The following KMT5C variants were observed in gnomAD, a reference collection of about 807,000 sequenced individuals.
The protein encoded by KMT5C is lysine methyltransferase 5C.
In KMT5C, 16 loss-of-function variants were observed where a neutral mutation model predicts 38.2. The ratio of observed to expected loss-of-function variants is 0.42; its 90% CI spans 0.28 to 0.64. The LOEUF is 0.64. KMT5C is among the 30% of genes least tolerant of loss of function. The pLI, the probability that KMT5C is intolerant of heterozygous loss-of-function variation, is 0.23. For missense variants in KMT5C, 598 were observed against 665.1 expected (o/e 0.90, Z 1.11); for synonymous variants, 291 against 279.0 (o/e 1.04, Z -0.43).
Position 55,346,305 on chromosome 19 carries a change from C to T in KMT5C, c.663C>T (p.Phe221=), listed in dbSNP as rs1198702511. The T allele has an allele frequency of 6.2e-7, 1 of 1,614,078 alleles. No homozygotes were observed. The highest frequency in any genetic ancestry group is 1.1e-5 in the South Asian group (1 of 91,090). ...DEVTCFYGEG[F]FGEKNEHCEC... ...TGACATGCTTCTACGGCGAGGGCTT[C>T]TTCGGCGAGAAGAATGAGCACTGTG... Residue 221 remains phenylalanine, a synonymous_variant, in exon 7 of 9, where the codon TTC becomes TTT. Coordinates refer to ENST00000255613, the MANE Select transcript of KMT5C (RefSeq NM_032701.4).
Position 55,344,500 on chromosome 19 carries a change from G to A in KMT5C, c.570+503G>A, listed in dbSNP as rs547120055. 13 of 361,136 alleles carry A rather than the reference G, an allele frequency of 3.6e-5. No homozygotes were observed. The East Asian group carries it at 4.4e-4, about 12-fold the overall frequency. 22.4% of individuals were successfully genotyped at this position (361,136 alleles called of 1,614,324 possible). Reference sequence around the variant, plus strand: ...GGTTCCAGTTTGGCCAGCGTTGCCCGGCTGTTTGTGCAGTTGCACTGGAAC... The same window carrying A: ...GGTTCCAGTTTGGCCAGCGTTGCCCAGCTGTTTGTGCAGTTGCACTGGAAC... On this transcript the variant is annotated intron_variant, in intron 6 of 8. Transcript: ENST00000255613.
At chr19:55,345,236 G>A in intron 6 of KMT5C, 1 of 367,124 alleles carries the variant, frequency 2.7e-6, no homozygotes, top group South Asian at 2.0e-5. Context: ...CAGGGGCAAA[G>A]GGGGGCGTCT....
At position 55,346,383 on chromosome 19, in the gene KMT5C, C is replaced by T. The variant is rs200610464; in HGVS notation, c.707+34C>T. The T allele has an allele frequency of 6.7e-3, 10,830 of 1,613,268 alleles. 60 individuals are homozygous for T. Among genetic ancestry groups the T allele is most frequent in the Non-Finnish European group, 7.7e-3 (9,045 of 1,179,674 alleles). The stretch of plus-strand genomic sequence containing the variant: ...GGGCGAGAGGCGGCTGGGTTCGGGT[C>T]GTCTGGGCTTCTTGAGCCCAGAAAC... On this transcript the variant is annotated intron_variant, in intron 7 of 8. Transcript: ENST00000255613.
intron 1 of KMT5C, 166 bp from the exon 2 acceptor site, chr19:55,341,628 G>C (rs1481253993): frequency 9.4e-6 from 4 of 426,472 alleles, no homozygotes; most frequent in African/African-American, 2.0e-5. Context: ...GCATGTGGGG[G>C]TTGTGTGTTT....
rs1006788149 is a variant in KMT5C at position 55,342,459 on chromosome 19, C to T, written c.276+79C>T. The T allele has an allele frequency of 4.1e-6, 5 of 1,204,910 alleles. No individual in the cohort carries two copies. In the African/African-American group the frequency reaches 7.7e-5, roughly 18 times the overall value. 74.6% of individuals were successfully genotyped at this position (1,204,910 alleles called of 1,614,324 possible). A position where few individuals can be genotyped will look rare whatever the true frequency, so the allele number is the denominator to read the frequency against. ...GGCCTGGTCCCGCCTGGCAGACGCT[C>T]TAGAGTCCCTCAGCGCAGCCCCTGG... On this transcript the variant is annotated intron_variant, in intron 3 of 8. Transcript: ENST00000255613.
chr19:55,344,218 C>T (rs1193642968), intron 6 of KMT5C: 44 of 441,864 alleles, frequency 1.0e-4, no homozygotes, highest in Non-Finnish European at 1.4e-4. Context: ...AAAAATTAGT[C>T]GGGCGTGGTG....
chr19:55,346,713 G>A, intron 8 of KMT5C, 26 bp downstream of exon 8: 1 of 1,510,326 alleles, frequency 6.6e-7, no homozygotes, highest in Non-Finnish European at 8.9e-7. Flanking sequence ...TGCCATCCCA[G>A]CAGCCCCTCC....
Position 55,343,713 on chromosome 19 carries a change from C to G in KMT5C, c.420C>G (p.Gly140=), listed in dbSNP as rs1302133813. Residue 140 remains glycine (G), a synonymous_variant, in exon 5 of 9, where the codon GGC becomes GGG. Coordinates refer to ENST00000255613, the MANE Select transcript of KMT5C (RefSeq NM_032701.4). The surrounding 1 kb of genome is among the most constrained non-coding windows in gnomAD (Gnocchi z 5.5). ...ATGAGAAGCTGGAGCTGCTGGTGGGCTGCATTGCAGAGCTGCGGGAGGCAG... is the reference window on the plus strand; with the variant it reads ...ATGAGAAGCTGGAGCTGCTGGTGGGGTGCATTGCAGAGCTGCGGGAGGCAG... ...KKNEKLELLV[G]CIAELREADE... is the part of the protein sequence containing the mutation. 4 of 1,567,448 alleles carry G rather than the reference C, an allele frequency of 2.6e-6. No individual in the cohort carries two copies. Among genetic ancestry groups the G allele is most frequent in the Non-Finnish European group, 3.5e-6 (4 of 1,155,954 alleles).
At chr19:55,342,176 C>T (rs1250370913) in intron 2 of KMT5C, 39 bp from the exon 3 acceptor site, 36 of 1,600,002 alleles carry the variant, frequency 2.3e-5, no homozygotes, top group Non-Finnish European at 2.5e-5. Context: ...GGCCGGGGCC[C>T]GGGAAGGCCC....
Position 55,343,047 on chromosome 19 carries a change from G to A in KMT5C, c.386+196G>A, listed in dbSNP as rs764383351. 44 of 572,160 alleles carry A rather than the reference G, an allele frequency of 7.7e-5. No individual in the cohort carries two copies. The highest frequency in any genetic ancestry group is 1.2e-4 in the Non-Finnish European group (37 of 318,030). 35.4% of individuals were successfully genotyped at this position (572,160 alleles called of 1,614,324 possible). A position where few individuals can be genotyped will look rare whatever the true frequency, so the allele number is the denominator to read the frequency against. On this transcript the variant is annotated intron_variant, in intron 4 of 8. Transcript: ENST00000255613. This position sits in a 1 kb window ranked among gnomAD's most constrained non-coding sequence, Gnocchi z 5.5. Reference sequence around the variant, plus strand: ...TGGTGCCGCTGGAGCAGGAGACCCCGGATGTGACCCCAGGGTTCCTGGGGC... The same window carrying A: ...TGGTGCCGCTGGAGCAGGAGACCCCAGATGTGACCCCAGGGTTCCTGGGGC...
In KMT5C at chr19:55,346,233, C is replaced by T. The variant is rs546009875; in HGVS notation, c.591C>T (p.Asn197=). The change falls in exon 7 of 9, where the codon AAC becomes AAT. Residue 197 remains asparagine (N), a synonymous_variant. Coordinates refer to ENST00000255613, the MANE Select transcript of KMT5C (RefSeq NM_032701.4). ...PNCKFVPADG[N]AACVKVLRDI... is the part of the protein sequence containing the mutation. ...CTCAGTTTGTGCCTGCAGATGGGAA[C>T]GCAGCCTGCGTGAAGGTGCTCCGGG... 1.4e-5 allele frequency: 23 copies of T among 1,613,964 alleles called. No individual in the cohort carries two copies. The East Asian group carries it at 3.3e-4, about 23-fold the overall frequency.
At chr19:55,345,005 A>T (rs1192450444) in intron 6 of KMT5C, 1 of 457,480 alleles carries the variant, frequency 2.2e-6, no homozygotes, top group Non-Finnish European at 4.4e-6. Flanking sequence ...AGGGTTTTGG[A>T]CAGCGAATGC....
Position 55,343,012 on chromosome 19 carries a change from G to A in KMT5C, c.386+161G>A. 1.6e-6 allele frequency: 1 copy of A among 610,346 alleles called. No individual in the cohort carries two copies. The highest frequency in any genetic ancestry group is 1.9e-5 in the South Asian group (1 of 53,598). The allele number at this position is 610,346 out of a possible 1,614,324, so 37.8% of individuals were successfully genotyped here. On this transcript the variant is annotated intron_variant, in intron 4 of 8. Transcript: ENST00000255613. This position sits in a 1 kb window ranked among gnomAD's most constrained non-coding sequence, Gnocchi z 5.5. ...GTGGGGCTAATCCCGGAAGACCTTT[G>A]TGGCTACCGTGGTGCCGCTGGAGCA...
At position 55,343,757 on chromosome 19, in the gene KMT5C, C is replaced by T; in HGVS notation, c.464C>T (p.Ala155Val). 1 of 1,604,206 alleles carries T rather than the reference C, an allele frequency of 6.2e-7. No individual in the cohort carries two copies. The highest frequency in any genetic ancestry group is 1.3e-5 in the African/African-American group (1 of 74,800). The change falls in exon 5 of 9, where the codon GCC (alanine) becomes GTC (valine). Residue 155 changes from alanine (A) to valine (V), a missense_variant. Physicochemically the swap from Ala to Val is moderately conservative, Grantham distance 64. Transcript: ENST00000255613. This position sits in a 1 kb window ranked among gnomAD's most constrained non-coding sequence, Gnocchi z 5.5. The stretch of plus-strand genomic sequence containing the variant: ...GAGGCAGATGAGGGGCTGCTGAGGG[C>T]CGGTGAGAATGACTTCAGCATCATG... ...LREADEGLLR[A>V]GENDFSIMYS...
In KMT5C at chr19:55,341,978, C is replaced by T. The variant is rs144118003; in HGVS notation, c.42C>T (p.Asn14=). The T allele has an allele frequency of 3.0e-4, 482 of 1,613,704 alleles. 3 individuals carry two copies. The East Asian group carries it at 0.01, about 34-fold the overall frequency. ...TGACAGCACGAGAACTGTGCGAGAA[C>T]GACGACCTGGCCACCAGCCTCGTCC... ...DRVTARELCE[N]DDLATSLVLD... The change falls in exon 2 of 9, where the codon AAC becomes AAT. Residue 14 remains asparagine (N), a synonymous_variant. Coordinates refer to ENST00000255613, the MANE Select transcript of KMT5C (RefSeq NM_032701.4).
At chr19:55,346,091 G>A (rs1382293402) in intron 6 of KMT5C, 122 bp from the exon 7 acceptor site, 2 of 1,215,026 alleles carry the variant, frequency 1.6e-6, no homozygotes, top group East Asian at 2.3e-5. Flanking sequence ...ACTTTTAGGG[G>A]CTCAGCTGTT....
chr19:55,342,201 G>A lies in KMT5C; in HGVS notation c.111-14G>A, dbSNP rs771224346. ...CGGGAAGGCCCTGGGACCCAGGCAT[G>A]CCCTCTCCCCCAGCCCTGTGCCCCC... On this transcript the variant is annotated splice_polypyrimidine_tract_variant and intron_variant, in intron 2 of 8. Coordinates refer to ENST00000255613, the MANE Select transcript of KMT5C (RefSeq NM_032701.4). 2.9e-5 allele frequency: 47 copies of A among 1,606,930 alleles called. No individual in the cohort carries two copies. The highest frequency in any genetic ancestry group is 4.0e-5 in the Non-Finnish European group (47 of 1,177,490).
intron 6 of KMT5C, chr19:55,344,546 C>G (rs2089595962): frequency 2.7e-6 from 1 of 374,850 alleles, no homozygotes. Flanking sequence ...AGCTGCTGGC[C>G]ATCTTTCTTC....
intron 6 of KMT5C, chr19:55,345,050 G>A (rs146949261): frequency 6.6e-6 from 3 of 456,024 alleles, no homozygotes; most frequent in Admixed American, 2.3e-5. Context: ...CAGACGCTGG[G>A]GGGGATGGAA....
Sources: allele counts gnomAD v4.1 joint callset, GRCh38; gene constraint gnomAD v4.1.1; non-coding constraint Gnocchi (gnomAD v3.1); transcripts MANE v1.5; gene names NCBI Gene and HGNC (gene_info 2026-07-23, HGNC 2026-07-21).